Variants in MAGI1 observed in about 807,000 individuals in gnomAD.
The protein encoded by MAGI1 is membrane-associated guanylate kinase, WW and PDZ domain-containing protein 1.
A neutral mutation model predicts 139.9 loss-of-function variants in MAGI1; 58 were observed. The ratio of observed to expected loss-of-function variants is 0.41; its 90% CI spans 0.34 to 0.52. The LOEUF is 0.52. Among genes scored for constraint, MAGI1 ranks in the 20% least tolerant of loss-of-function variants. The probability of loss-of-function intolerance (pLI) is 0.12; values close to 1 mark genes in which losing one functional copy is unlikely to be tolerated. For missense variants in MAGI1, 1,874 were observed against 1,901.6 expected (o/e 0.99, Z 0.27); for synonymous variants, 812 against 737.9 (o/e 1.10, Z -1.63).
rs561358820 is a variant in MAGI1, at chr3:65,899,252, T to C, written c.313+138744A>G. 3.9e-5 allele frequency among the ~76,000 whole-genome samples: 6 copies of C among 152,308 alleles called. No individual in the cohort carries two copies. In the East Asian group the frequency reaches 1.2e-3, roughly 29 times the overall value. On this transcript the variant is annotated intron_variant, in intron 1 of 22. Transcript: ENST00000402939. The stretch of plus-strand genomic sequence containing the variant: ...TTAAGTAATATATTCTAAATGGATA[T>C]CTTTCAAAACAGAAAATACATTCAC...
intron 1 of MAGI1, among the ~76,000 whole-genome samples, chr3:65,961,276 A>C (rs908521767): frequency 1.3e-5 from 2 of 152,200 alleles, no homozygotes; most frequent in Non-Finnish European, 2.9e-5. Flanking sequence ...AATCTACAGA[A>C]GTCACCTTGA....
At chr3:65,646,991 T>A (rs1180339654) in intron 1 of MAGI1, among the ~76,000 whole-genome samples, 1 of 150,922 alleles carries the variant, frequency 6.6e-6, no homozygotes, top group Non-Finnish European at 1.5e-5. Flanking sequence ...AAGAACAAAA[T>A]AAACCCAAAC....
At chr3:65,818,637 A>G (rs1466329639) in intron 1 of MAGI1, among the ~76,000 whole-genome samples, 2 of 152,200 alleles carry the variant, frequency 1.3e-5, no homozygotes, top group African/African-American at 2.4e-5. Flanking sequence ...GAGGAACCCA[A>G]CGTTTAATAA....
chr3:65,630,104 A>G (rs578157872), intron 1 of MAGI1, among the ~76,000 whole-genome samples: 1 of 152,322 alleles, frequency 6.6e-6, no homozygotes, highest in Non-Finnish European at 1.5e-5. Flanking sequence ...CTATAAACAT[A>G]CATGCACACT....
chr3:65,598,004 G>T, intron 2 of MAGI1: 1 of 436,448 alleles, frequency 2.3e-6, no homozygotes. Context: ...GGTTTTTCGA[G>T]GGAAGAGGTG....
intron 1 of MAGI1, among the ~76,000 whole-genome samples, chr3:65,797,658 G>A (rs1044547554): frequency 6.6e-6 from 1 of 152,114 alleles, no homozygotes; most frequent in African/African-American, 2.4e-5. Flanking sequence ...CGAAGCTGCA[G>A]TAGGCCATGA....
At chr3:65,706,747 C>T (rs961428389) in intron 1 of MAGI1, among the ~76,000 whole-genome samples, 5 of 151,750 alleles carry the variant, frequency 3.3e-5, no homozygotes, top group Admixed American at 6.6e-5. Context: ...TTGACTACAG[C>T]GTAATGGATG....
intron 1 of MAGI1, among the ~76,000 whole-genome samples, chr3:65,846,096 AACTG>A (rs1190980490): frequency 2.6e-5 from 4 of 152,212 alleles, no homozygotes; most frequent in Non-Finnish European, 5.9e-5. Flanking sequence ...AAGCCATCGA[AACTG>A]ACTTTGTGCG....
At chr3:65,447,088 G>A (rs906770924) in intron 7 of MAGI1, among the ~76,000 whole-genome samples, 1 of 152,130 alleles carries the variant, frequency 6.6e-6, no homozygotes, top group Admixed American at 6.6e-5. Context: ...AATAATCTTA[G>A]TACAGTTCCA....
At chr3:65,502,894 C>T (rs1250394936) in intron 2 of MAGI1, among the ~76,000 whole-genome samples, 3 of 152,066 alleles carry the variant, frequency 2.0e-5, no homozygotes, top group Non-Finnish European at 4.4e-5. Flanking sequence ...AAATCTATGG[C>T]TCATACTACT....
In MAGI1 at chr3:66,034,379, C is replaced by T. The variant is rs1576539149; in HGVS notation, c.313+3617G>A. 2.6e-5 allele frequency among the ~76,000 whole-genome samples: 4 copies of T among 152,270 alleles called. No individual in the cohort carries two copies. In the East Asian group the frequency reaches 7.7e-4, roughly 29 times the overall value. ...TGTGGTATGACCCTTGGAAAAGTTA[C>T]CCAAATTCTCTGAACCTCAGCTTCT... On this transcript the variant is annotated intron_variant, in intron 1 of 22. Coordinates refer to ENST00000402939, the MANE Select transcript of MAGI1 (RefSeq NM_001033057.2).
At chr3:66,012,567 A>G (rs941758214) in intron 1 of MAGI1, among the ~76,000 whole-genome samples, 3 of 152,144 alleles carry the variant, frequency 2.0e-5, no homozygotes, top group African/African-American at 7.2e-5. Flanking sequence ...GGAGTTTGAG[A>G]CCAGCCTGGC....
At chr3:65,639,586 T>C (rs1176683480) in intron 1 of MAGI1, among the ~76,000 whole-genome samples, 1 of 152,172 alleles carries the variant, frequency 6.6e-6, no homozygotes, top group Non-Finnish European at 1.5e-5. Flanking sequence ...GGTTTTGAGA[T>C]AAGGTTAACA....
intron 1 of MAGI1, among the ~76,000 whole-genome samples, chr3:65,951,623 CTTT>C (rs2063867446): frequency 6.6e-6 from 1 of 152,064 alleles, no homozygotes; most frequent in African/African-American, 2.4e-5. Flanking sequence ...AATTTCACTT[CTTT>C]TTTACTCTTT....
intron 1 of MAGI1, among the ~76,000 whole-genome samples, chr3:65,881,881 C>T (rs2060344336): frequency 6.6e-6 from 1 of 152,074 alleles, no homozygotes; most frequent in South Asian, 2.1e-4. Flanking sequence ...GCATAAGAGC[C>T]TCTGGAAAGC....
intron 1 of MAGI1, among the ~76,000 whole-genome samples, chr3:65,727,460 G>A (rs2033741238): frequency 6.6e-6 from 1 of 152,154 alleles, no homozygotes; most frequent in East Asian, 1.9e-4. Context: ...GAACTTCTGT[G>A]TTCGAGCAAT....
At chr3:65,848,336 G>T (rs913500757) in intron 1 of MAGI1, among the ~76,000 whole-genome samples, 4 of 152,136 alleles carry the variant, frequency 2.6e-5, no homozygotes, top group Non-Finnish European at 1.5e-5. Context: ...CGTATCCTAC[G>T]CTGGTTCTGA....
At chr3:66,007,811 A>T (rs893456826) in intron 1 of MAGI1, among the ~76,000 whole-genome samples, 7 of 152,206 alleles carry the variant, frequency 4.6e-5, no homozygotes, top group African/African-American at 1.7e-4. Context: ...AGGGCAGAAG[A>T]GAAGGAAAGA....
At chr3:65,591,179 CCTGA>C (rs987894583) in intron 2 of MAGI1, among the ~76,000 whole-genome samples, 7 of 152,152 alleles carry the variant, frequency 4.6e-5, no homozygotes, top group Non-Finnish European at 8.8e-5. Context: ...TCTTGAGAGT[CCTGA>C]CTGTCAAGCT....
Sources: allele counts gnomAD v4.1 joint callset (sites outside exome capture counted in the v4.1 genomes callset), GRCh38; gene constraint gnomAD v4.1.1; transcripts MANE v1.5; gene names NCBI Gene and HGNC (gene_info 2026-07-23, HGNC 2026-07-21).